Variants in ANO3 observed in about 807,000 individuals in gnomAD.
ANO3 encodes the protein anoctamin 3.
Under a neutral mutation model 144.8 loss-of-function variants are expected in ANO3, and 99 were observed. That is an observed-to-expected ratio of 0.68 (90% CI 0.58 to 0.81). The LOEUF is 0.81. Among genes scored for constraint, ANO3 ranks in the 30% least tolerant of loss-of-function variants. The pLI, the probability that ANO3 is intolerant of heterozygous loss-of-function variation, is 0.00. For missense variants in ANO3, 905 were observed against 1,202.2 expected (o/e 0.75, Z 3.66); for synonymous variants, 414 against 392.6 (o/e 1.05, Z -0.64).
At chr11:26,311,173 A>G (rs1444555129) in intron 1 of ANO3, among the ~76,000 whole-genome samples, 1 of 152,198 alleles carries the variant, frequency 6.6e-6, no homozygotes, top group Non-Finnish European at 1.5e-5. Flanking sequence ...AGAAATTGGT[A>G]TTTATGAAAT....
intron 3 of ANO3, among the ~76,000 whole-genome samples, chr11:26,445,608 T>C (rs1270303968): frequency 6.6e-6 from 1 of 152,072 alleles, no homozygotes; most frequent in Non-Finnish European, 1.5e-5. Flanking sequence ...CCAGCATCAA[T>C]CTGTCATTTA....
intron 1 of ANO3, among the ~76,000 whole-genome samples, chr11:26,398,746 G>A (rs571144982): frequency 3.3e-5 from 5 of 152,096 alleles, no homozygotes; most frequent in African/African-American, 9.6e-5. Flanking sequence ...AAAGTGTTCC[G>A]TAAAAATCCG....
intron 17 of ANO3, among the ~76,000 whole-genome samples, chr11:26,601,284 C>T (rs535330289): frequency 1.3e-5 from 2 of 152,140 alleles, no homozygotes; most frequent in African/African-American, 4.8e-5. Context: ...ACTTGTTTAG[C>T]CTGGAGGGAG....
chr11:26,544,058 G>C (rs1471392224), intron 11 of ANO3, among the ~76,000 whole-genome samples: 1 of 151,094 alleles, frequency 6.6e-6, no homozygotes, highest in East Asian at 2.0e-4. Context: ...TGAACATAGT[G>C]AAATGTGCTG....
chr11:26,438,610 A>AG (rs1491295176), intron 1 of ANO3, among the ~76,000 whole-genome samples: 1,355 of 73,884 alleles, frequency 0.018, 13 homozygotes, highest in Middle Eastern at 0.054. Context: ...AAAAAAAAAG[A>AG]AAAAAAAAAA....
chr11:26,617,384 G>C (rs1852291323), intron 17 of ANO3, among the ~76,000 whole-genome samples: 1 of 152,168 alleles, frequency 6.6e-6, no homozygotes, highest in Non-Finnish European at 1.5e-5. Flanking sequence ...AGAAAACAAA[G>C]GCTGAACTCA....
At chr11:26,631,864 T>G (rs1232150481) in intron 18 of ANO3, among the ~76,000 whole-genome samples, 1 of 152,044 alleles carries the variant, frequency 6.6e-6, no homozygotes, top group East Asian at 1.9e-4. Flanking sequence ...GAAAAATCCA[T>G]AGCCAAAACA....
intron 1 of ANO3, among the ~76,000 whole-genome samples, chr11:26,342,300 G>A (rs1461388): frequency 0.99 from 150,492 of 152,284 alleles, 74,384 homozygotes; most frequent in Middle Eastern, 1. Context: ...TCCAAAATTC[G>A]TGTTGAAACT....
intron 2 of ANO3, 33 bp downstream of exon 2, chr11:26,442,145 T>C (rs751953282): frequency 8.2e-6 from 13 of 1,589,872 alleles, no homozygotes; most frequent in South Asian, 1.1e-5. Flanking sequence ...TTGTTCAATT[T>C]ATAAAAACTA....
At chr11:26,438,592 C>CA (rs1227963923) in intron 1 of ANO3, among the ~76,000 whole-genome samples, 8,429 of 70,030 alleles carry the variant, frequency 0.12, 899 homozygotes, top group African/African-American at 0.29. Context: ...ACTAAAAATA[C>CA]AAAAAAAAAA....
At chr11:26,650,185 A>T (rs994309292) in intron 24 of ANO3, among the ~76,000 whole-genome samples, 2 of 152,320 alleles carry the variant, frequency 1.3e-5, no homozygotes, top group South Asian at 2.1e-4. Flanking sequence ...CTTAGCAGCT[A>T]AATTGGCATA....
chr11:26,548,465 A>AT (rs1184945489), intron 12 of ANO3, among the ~76,000 whole-genome samples: 2 of 151,890 alleles, frequency 1.3e-5, no homozygotes, highest in Admixed American at 1.3e-4. Context: ...CTTTTGGTCC[A>AT]TTTTTTAACC....
chr11:26,297,730 A>G (rs1854125926), intron 1 of ANO3, among the ~76,000 whole-genome samples: 1 of 152,194 alleles, frequency 6.6e-6, no homozygotes, highest in Admixed American at 6.5e-5. Context: ...AATTCTGAGT[A>G]CCCATCTGTA....
chr11:26,615,873 C>T (rs1852245882), intron 17 of ANO3, among the ~76,000 whole-genome samples: 2 of 152,090 alleles, frequency 1.3e-5, no homozygotes, highest in South Asian at 4.1e-4. Flanking sequence ...TTGGTGTTCA[C>T]TTTTTATTCT....
intron 1 of ANO3, among the ~76,000 whole-genome samples, chr11:26,337,142 T>C (rs909272372): frequency 6.6e-6 from 1 of 152,076 alleles, no homozygotes; most frequent in Non-Finnish European, 1.5e-5. Context: ...AAAAAGAATA[T>C]AGAGATATTT....
intron 20 of ANO3, among the ~76,000 whole-genome samples, chr11:26,637,496 G>A (rs1349944297): frequency 6.6e-6 from 1 of 152,162 alleles, no homozygotes; most frequent in Non-Finnish European, 1.5e-5. Context: ...TTGCCTCTGA[G>A]TCTCTACAAA....
At chr11:26,424,625 C>T (rs1322933205) in intron 1 of ANO3, among the ~76,000 whole-genome samples, 1 of 152,032 alleles carries the variant, frequency 6.6e-6, no homozygotes, top group Admixed American at 6.6e-5. Flanking sequence ...GAGTAACAGG[C>T]TATTCTCAAC....
chr11:26,418,736 T>C lies in ANO3; in HGVS notation c.47-23182T>C, dbSNP rs577560717. On this transcript the variant is annotated intron_variant, in intron 1 of 26. Transcript: ENST00000256737. ...CGCGCACACACACACACTGTCTCTC[T>C]CTCTCTCTGCACGTTGTGTCCTTCA... Among the ~76,000 whole-genome samples, 55 of 152,126 alleles carry C rather than the reference T, an allele frequency of 3.6e-4. No homozygotes were observed. The South Asian group carries it at 4.8e-3, about 13-fold the overall frequency.
chr11:26,399,042 C>T (rs1031786664), intron 1 of ANO3, among the ~76,000 whole-genome samples: 1 of 151,850 alleles, frequency 6.6e-6, no homozygotes, highest in Non-Finnish European at 1.5e-5. Context: ...GGTATTTGTA[C>T]ACCTCTTCAG....
Sources: gnomAD v4.1 joint callset for allele counts (sites outside exome capture counted in the v4.1 genomes callset) on GRCh38, gnomAD v4.1.1 for gene constraint, MANE v1.5 for transcripts, NCBI Gene and HGNC (gene_info 2026-07-23, HGNC 2026-07-21) for gene names.